The following GNAL variants were observed in gnomAD, a reference collection of about 807,000 sequenced individuals.
GNAL encodes guanine nucleotide-binding protein G(olf) subunit alpha.
In GNAL, 18 loss-of-function variants were observed where a neutral mutation model predicts 55.1. The ratio of observed to expected loss-of-function variants is 0.33; its 90% CI spans 0.23 to 0.48. The LOEUF is 0.48. Among genes scored for constraint, GNAL ranks in the 20% least tolerant of loss-of-function variants. GNAL has a pLI of 0.99. For missense variants in GNAL, 412 were observed against 614.1 expected, an observed-to-expected ratio of 0.67 and a Z score of 3.48; for synonymous variants, 253 against 237.0, an observed-to-expected ratio of 1.07 and a Z score of -0.62.
chr18:11,829,721 G>A (rs748224744), intron 5 of GNAL, among the ~76,000 whole-genome samples: 1 of 152,058 alleles, frequency 6.6e-6, no homozygotes, highest in Non-Finnish European at 1.5e-5. Flanking sequence ...TAAAGTCAGC[G>A]CTCAGTCAAC....
At chr18:11,780,155 A>G (rs537632167) in intron 4 of GNAL, among the ~76,000 whole-genome samples, 33 of 152,208 alleles carry the variant, frequency 2.2e-4, no homozygotes, top group African/African-American at 7.0e-4. Context: ...ACAAGTTTCT[A>G]TTTTTAATTT....
intron 1 of GNAL, among the ~76,000 whole-genome samples, chr18:11,735,754 CAAAAAAAA>C (rs1185594144): frequency 1.2e-5 from 1 of 83,772 alleles, no homozygotes; most frequent in Non-Finnish European, 2.4e-5. Flanking sequence ...GAACCTGTCT[CAAAAAAAA>C]AAAAAGAAAG....
chr18:11,776,824 C>T (rs1346418170), intron 4 of GNAL, among the ~76,000 whole-genome samples: 12 of 151,968 alleles, frequency 7.9e-5, no homozygotes, highest in East Asian at 3.8e-4. Flanking sequence ...CTTCTCTTCA[C>T]GACTAAGACT....
intron 5 of GNAL, among the ~76,000 whole-genome samples, chr18:11,846,057 T>G (rs2035727981): frequency 6.6e-6 from 1 of 152,098 alleles, no homozygotes; most frequent in South Asian, 2.1e-4. Context: ...ATAGGCCTTA[T>G]TTTTTCCAGC....
chr18:11,880,323 C>G (rs1375843008), intron 11 of GNAL, among the ~76,000 whole-genome samples: 1 of 151,002 alleles, frequency 6.6e-6, no homozygotes, highest in Non-Finnish European at 1.5e-5. Flanking sequence ...AATCCCAGCA[C>G]TTTGGGAGGC....
intron 2 of GNAL, among the ~76,000 whole-genome samples, chr18:11,753,361 C>T (rs1430985056): frequency 2.0e-5 from 3 of 151,970 alleles, no homozygotes; most frequent in Non-Finnish European, 2.9e-5. Flanking sequence ...GCGATTTTGC[C>T]TAGTTTTTCT....
rs1019022267 is a variant in GNAL, at chr18:11,883,196, C to T, written c.*2061C>T. 6.7e-6 allele frequency: 1 copy of T among 149,218 alleles called. No individual in the cohort carries two copies. The highest frequency in any genetic ancestry group is 1.5e-5 in the Non-Finnish European group (1 of 67,850). The allele number at this position is 149,218 out of a possible 1,614,324, so 9.2% of individuals were successfully genotyped here. A position where few individuals can be genotyped will look rare whatever the true frequency, so the allele number is the denominator to read the frequency against. The stretch of plus-strand genomic sequence containing the variant: ...TTATAGACAGTCAGTGCAACACACA[C>T]ATTTTATCTCATCACCGTCTTACTG... On this transcript the variant is annotated 3_prime_UTR_variant, in exon 12 of 12. Transcript: ENST00000334049.
chr18:11,792,244 C>T (rs557873556), intron 4 of GNAL, among the ~76,000 whole-genome samples: 5 of 152,026 alleles, frequency 3.3e-5, no homozygotes, highest in African/African-American at 9.7e-5. Context: ...AGTGCAGTGG[C>T]GTGCAATCTC....
intron 4 of GNAL, among the ~76,000 whole-genome samples, chr18:11,793,103 A>G (rs1369537503): frequency 1.3e-5 from 2 of 152,220 alleles, no homozygotes; most frequent in African/African-American, 4.8e-5. Flanking sequence ...TTTGGCAGTG[A>G]TTTCTTGGAT....
Position 11,751,642 on chromosome 18 carries a change from A to G in GNAL, c.377-1211A>G. The G allele has an allele frequency of 1.0e-6, 1 of 985,410 alleles. No homozygotes were observed. Among genetic ancestry groups the G allele is most frequent in the Non-Finnish European group, 1.2e-6 (1 of 829,958 alleles). The allele number at this position is 985,410 out of a possible 1,614,324, so 61.0% of individuals were successfully genotyped here. A position where few individuals can be genotyped will look rare whatever the true frequency, so the allele number is the denominator to read the frequency against. ...GACGCACTTTCCCGGCTCGGGGTGCAAGAGAGCCAGGCGGCCGCGGCGCAG... is the reference window on the plus strand; with the variant it reads ...GACGCACTTTCCCGGCTCGGGGTGCGAGAGAGCCAGGCGGCCGCGGCGCAG... On this transcript the variant is annotated intron_variant, in intron 1 of 11. Transcript: ENST00000334049. The surrounding 1 kb of genome is among the most constrained non-coding windows in gnomAD (Gnocchi z 4.5).
At chr18:11,833,382 C>T (rs1408043794) in intron 5 of GNAL, 1 of 152,098 alleles carries the variant, frequency 6.6e-6, no homozygotes, top group Non-Finnish European at 1.5e-5. Context: ...TGTTTATGAG[C>T]ACTACAATAA....
In GNAL at chr18:11,752,699, C is replaced by T; in HGVS notation, c.377-154C>T. The stretch of plus-strand genomic sequence containing the variant: ...TCGCGCGCACCTCTGGGCCGCGGAG[C>T]CCAGACGGCGGCCGGGGCGAGCTCC... On this transcript the variant is annotated intron_variant, in intron 1 of 11. Transcript: ENST00000334049. The surrounding 1 kb of genome is among the most constrained non-coding windows in gnomAD (Gnocchi z 4.5). The T allele has an allele frequency of 8.2e-7, 1 of 1,222,222 alleles. No homozygotes were observed. Among genetic ancestry groups the T allele is most frequent in the South Asian group, 1.7e-5 (1 of 59,134 alleles). 75.7% of individuals were successfully genotyped at this position (1,222,222 alleles called of 1,614,324 possible).
intron 4 of GNAL, among the ~76,000 whole-genome samples, chr18:11,798,056 C>T (rs907244713): frequency 6.6e-6 from 1 of 152,124 alleles, no homozygotes; most frequent in African/African-American, 2.4e-5. Flanking sequence ...ATATAATGAT[C>T]AAATACAATC....
At chr18:11,849,809 C>T (rs1487717799) in intron 5 of GNAL, among the ~76,000 whole-genome samples, 1 of 152,234 alleles carries the variant, frequency 6.6e-6, no homozygotes, top group Non-Finnish European at 1.5e-5. Flanking sequence ...AACATCCTAT[C>T]CCCTCTGAAA....
At chr18:11,851,875 T>C (rs1273156911) in intron 5 of GNAL, 1 of 1,613,914 alleles carries the variant, frequency 6.2e-7, no homozygotes, top group Non-Finnish European at 8.5e-7. Context: ...CGAGCACCAG[T>C]TTGAGACTCT....
At chr18:11,795,825 G>A (rs908803990) in intron 4 of GNAL, among the ~76,000 whole-genome samples, 1 of 152,198 alleles carries the variant, frequency 6.6e-6, no homozygotes, top group Non-Finnish European at 1.5e-5. Context: ...TGTCGCCTGG[G>A]TTCTGCAGGT....
intron 1 of GNAL, among the ~76,000 whole-genome samples, chr18:11,722,545 T>G (rs1332487848): frequency 6.6e-6 from 1 of 152,230 alleles, no homozygotes; most frequent in Non-Finnish European, 1.5e-5. Context: ...TTGTTGTTTC[T>G]TGCTTTGACA....
At chr18:11,761,644 T>A (rs1286575129) in intron 4 of GNAL, among the ~76,000 whole-genome samples, 1 of 152,178 alleles carries the variant, frequency 6.6e-6, no homozygotes, top group East Asian at 1.9e-4. Context: ...TCTATGGGAT[T>A]TTTTGCCTCT....
At chr18:11,780,452 A>G (rs2033898029) in intron 4 of GNAL, among the ~76,000 whole-genome samples, 2 of 152,326 alleles carry the variant, frequency 1.3e-5, no homozygotes, top group South Asian at 2.1e-4. Context: ...AAGGTCTTCA[A>G]AAAATGAATG....
Sources: allele counts gnomAD v4.1 joint callset (sites outside exome capture counted in the v4.1 genomes callset), GRCh38; gene constraint gnomAD v4.1.1; non-coding constraint Gnocchi (gnomAD v3.1); transcripts MANE v1.5; gene names NCBI Gene and HGNC (gene_info 2026-07-23, HGNC 2026-07-21).